GABRG1: variants seen among roughly 807,000 people sequenced by gnomAD.
GABRG1 encodes the protein gamma-aminobutyric acid type A receptor subunit gamma1, also known as gamma-aminobutyric acid receptor subunit gamma-1.
GABRG1 carries 49 observed loss-of-function variants against 49.8 expected under a neutral mutation model. That is an observed-to-expected ratio of 0.98 (90% confidence interval 0.78 to 1.25). The LOEUF is 1.25. Among genes scored for constraint, GABRG1 ranks in the 50% most tolerant of loss-of-function variants. The probability of loss-of-function intolerance (pLI) is 0.00; values close to 1 mark genes in which losing one functional copy is unlikely to be tolerated. For synonymous variants in GABRG1, 232 were observed against 185.1 expected (o/e 1.25, Z -2.06); for missense variants, 552 against 552.3 (o/e 1.00, Z 0.01).
At chr4:46,077,401 CTATG>C (rs1445300811) in intron 3 of GABRG1, among the ~76,000 whole-genome samples, 1 of 151,752 alleles carries the variant, frequency 6.6e-6, no homozygotes, top group Non-Finnish European at 1.5e-5. Context: ...TTGGGTAAAA[CTATG>C]TACATAAAGT....
intron 3 of GABRG1, among the ~76,000 whole-genome samples, chr4:46,079,541 C>T (rs1418633704): frequency 6.6e-6 from 1 of 151,752 alleles, no homozygotes; most frequent in Non-Finnish European, 1.5e-5. Context: ...TGTTCCTTGT[C>T]CCTCACTTTC....
At chr4:46,090,281 C>T (rs1463528310) in intron 2 of GABRG1, among the ~76,000 whole-genome samples, 1 of 151,992 alleles carries the variant, frequency 6.6e-6, no homozygotes, top group African/African-American at 2.4e-5. Context: ...CACAGTGATG[C>T]TATCACAATT....
At chr4:46,044,098 C>G (rs1368727454) in intron 8 of GABRG1, among the ~76,000 whole-genome samples, 1 of 151,958 alleles carries the variant, frequency 6.6e-6, no homozygotes, top group African/African-American at 2.4e-5. Context: ...CCAAACTAAG[C>G]ACTGTTTACC....
chr4:46,054,992 A>G (rs1718377295), intron 7 of GABRG1, among the ~76,000 whole-genome samples: 1 of 95,748 alleles, frequency 1.0e-5, no homozygotes, highest in Non-Finnish European at 2.1e-5. Flanking sequence ...GGTTTGTCAT[A>G]AAAACCCTAG....
chr4:46,087,181 G>T (rs1388395197), intron 2 of GABRG1, among the ~76,000 whole-genome samples: 3 of 151,340 alleles, frequency 2.0e-5, no homozygotes, highest in Non-Finnish European at 3.0e-5. Context: ...TAAAGAATTT[G>T]TGTAAGACTT....
intron 1 of GABRG1, among the ~76,000 whole-genome samples, chr4:46,117,167 AACTC>A (rs1720922583): frequency 6.6e-6 from 1 of 150,534 alleles, no homozygotes; most frequent in South Asian, 2.1e-4. Context: ...ATATATATTA[AACTC>A]ACTATTTTAT....
At chr4:46,115,668 C>G (rs1720861382) in intron 1 of GABRG1, among the ~76,000 whole-genome samples, 1 of 150,644 alleles carries the variant, frequency 6.6e-6, no homozygotes. Context: ...CATTTATAGT[C>G]TATTTTATAT....
At chr4:46,118,885 T>C (rs992363535) in intron 1 of GABRG1, among the ~76,000 whole-genome samples, 2 of 151,310 alleles carry the variant, frequency 1.3e-5, no homozygotes, top group Admixed American at 1.3e-4. Flanking sequence ...ACATGTCTAG[T>C]GATAAGCTAT....
At chr4:46,057,466 T>C (rs368413123) in intron 7 of GABRG1, among the ~76,000 whole-genome samples, 1 of 152,118 alleles carries the variant, frequency 6.6e-6, no homozygotes, top group Non-Finnish European at 1.5e-5. Flanking sequence ...ATCAATTGAT[T>C]AACAAGTTTT....
chr4:46,044,427 G>A (rs1477183370), intron 8 of GABRG1, among the ~76,000 whole-genome samples: 1 of 152,244 alleles, frequency 6.6e-6, no homozygotes, highest in Non-Finnish European at 1.5e-5. Flanking sequence ...GCTGCAGTGA[G>A]CTGTGATTGC....
chr4:46,060,969 T>G (rs1718650436), intron 5 of GABRG1, among the ~76,000 whole-genome samples: 1 of 152,154 alleles, frequency 6.6e-6, no homozygotes, highest in Non-Finnish European at 1.5e-5. Context: ...TGCAGATGGC[T>G]GAATTCTCTA....
intron 7 of GABRG1, among the ~76,000 whole-genome samples, chr4:46,057,837 C>T (rs1215741567): frequency 6.6e-6 from 1 of 152,020 alleles, no homozygotes; most frequent in East Asian, 1.9e-4. Context: ...AGTAAATAAA[C>T]AGTGGTTATT....
intron 1 of GABRG1, among the ~76,000 whole-genome samples, chr4:46,114,574 T>A (rs1262442422): frequency 6.6e-6 from 1 of 150,970 alleles, no homozygotes; most frequent in Non-Finnish European, 1.5e-5. Context: ...CAAAGGTATG[T>A]AATGTGATAC....
intron 5 of GABRG1, among the ~76,000 whole-genome samples, chr4:46,059,600 A>G (rs1457850696): frequency 1.3e-5 from 2 of 151,838 alleles, no homozygotes; most frequent in East Asian, 3.9e-4. Context: ...TTTATTAGAG[A>G]CAGGGTTTTG....
At chr4:46,116,218 A>G (rs10938426) in intron 1 of GABRG1, among the ~76,000 whole-genome samples, 83,990 of 150,468 alleles carry the variant, frequency 0.56, 24,843 homozygotes, top group African/African-American at 0.75. Flanking sequence ...ATGTTATTTT[A>G]TGACCATTTC....
chr4:46,039,250 A>T lies in GABRG1; in HGVS notation c.*1738T>A, dbSNP rs1054209595. ...AGTTTAGTTTGGCTGTTCATTCAAG[A>T]AAAGCAGTGTCGGTGGATATTGGGC... On this transcript the variant is annotated 3_prime_UTR_variant, in exon 9 of 9. Coordinates refer to ENST00000295452, the MANE Select transcript of GABRG1 (RefSeq NM_173536.4). 2 of 151,702 alleles carry T rather than the reference A, an allele frequency of 1.3e-5. No homozygotes were observed. The highest frequency in any genetic ancestry group is 3.0e-5 in the Non-Finnish European group (2 of 67,742). The allele number at this position is 151,702 out of a possible 1,614,324, so 9.4% of individuals were successfully genotyped here.
chr4:46,079,803 A>G (rs1248872488), intron 3 of GABRG1, among the ~76,000 whole-genome samples: 4 of 151,838 alleles, frequency 2.6e-5, no homozygotes, highest in Non-Finnish European at 5.9e-5. Context: ...GTCAGAGGGT[A>G]CCCAACACCG....
chr4:46,110,644 G>T (rs73241874), intron 1 of GABRG1, among the ~76,000 whole-genome samples: 15 of 151,226 alleles, frequency 9.9e-5, no homozygotes, highest in Non-Finnish European at 1.9e-4. Context: ...ACATCAAAAA[G>T]TTAATTCATC....
At chr4:46,121,854 TATG>T (rs1721097150) in intron 1 of GABRG1, among the ~76,000 whole-genome samples, 2 of 152,068 alleles carry the variant, frequency 1.3e-5, no homozygotes, top group Non-Finnish European at 2.9e-5. Context: ...CAATAAAAAT[TATG>T]TGTTAACTGT....
Sources: allele counts gnomAD v4.1 joint callset (sites outside exome capture counted in the v4.1 genomes callset), GRCh38; gene constraint gnomAD v4.1.1; transcripts MANE v1.5; gene names NCBI Gene and HGNC (gene_info 2026-07-23, HGNC 2026-07-21).